Variants in APBB2 observed in about 807,000 individuals in gnomAD.
The protein encoded by APBB2 is Fe65-like 1.
In APBB2, 38 loss-of-function variants were observed where a neutral mutation model predicts 82.5. The observed-to-expected ratio is 0.46, with a 90% CI of 0.36 to 0.60. The LOEUF is 0.60. APBB2 is among the 20% of genes least tolerant of loss of function. The probability of loss-of-function intolerance (pLI) is 0.00; values close to 1 mark genes in which losing one functional copy is unlikely to be tolerated. For synonymous variants in APBB2, 341 were observed against 368.2 expected (o/e 0.93, Z 0.85); for missense variants, 772 against 972.3 (o/e 0.79, Z 2.74).
intron 12 of APBB2, among the ~76,000 whole-genome samples, chr4:40,853,422 C>T (rs1760127791): frequency 6.6e-6 from 1 of 152,012 alleles, no homozygotes; most frequent in Non-Finnish European, 1.5e-5. Context: ...CATCCTCAGG[C>T]ACGTTGAGTG....
At chr4:41,175,630 C>A (rs944333634) in intron 1 of APBB2, among the ~76,000 whole-genome samples, 3 of 152,004 alleles carry the variant, frequency 2.0e-5, no homozygotes, top group African/African-American at 7.3e-5. Context: ...AATATATAAA[C>A]ACATAGTAAA....
chr4:41,003,847 G>A (rs2154422208), intron 6 of APBB2, among the ~76,000 whole-genome samples: 2 of 152,292 alleles, frequency 1.3e-5, no homozygotes, highest in Middle Eastern at 6.8e-3. Context: ...TGAGTAGCTG[G>A]AATTACAGGC....
At chr4:41,202,201 T>C (rs11725534) in intron 1 of APBB2, among the ~76,000 whole-genome samples, 15,653 of 152,236 alleles carry the variant, frequency 0.1, 1,203 homozygotes, top group African/African-American at 0.22. Context: ...ATTCTGTACA[T>C]ATTAAACAGT....
At chr4:41,211,672 G>A (rs1007472941) in intron 1 of APBB2, among the ~76,000 whole-genome samples, 4 of 151,836 alleles carry the variant, frequency 2.6e-5, no homozygotes. Flanking sequence ...TTTAGAGACG[G>A]GGGTTTTACC....
rs201587606 is a variant in APBB2 at position 40,881,533 on chromosome 4, TC to T, written c.1529+8830del. The T allele has an allele frequency of 2.5e-4, 53 of 212,166 alleles. 3 individuals carry two copies. Among genetic ancestry groups the T allele is most frequent in the South Asian group, 1.1e-3 (5 of 4,478 alleles). 13.1% of individuals were successfully genotyped at this position (212,166 alleles called of 1,614,324 possible). ...TTCCTTTTATCTTTTCTTTTCTTTT[TC>T]TTTTTTTTTTTTTTTTTGATACAGA... On this transcript the variant is annotated intron_variant, in intron 12 of 17. Coordinates refer to ENST00000508593, the MANE Select transcript of APBB2 (RefSeq NM_004307.2).
At chr4:41,000,049 A>T (rs11931329) in intron 6 of APBB2, among the ~76,000 whole-genome samples, 4,848 of 113,844 alleles carry the variant, frequency 0.043, 149 homozygotes, top group African/African-American at 0.096. Flanking sequence ...GTGTGTATGT[A>T]TATGTATATA....
intron 12 of APBB2, among the ~76,000 whole-genome samples, chr4:40,837,847 AC>A: frequency 6.6e-6 from 1 of 152,118 alleles, no homozygotes; most frequent in Non-Finnish European, 1.5e-5. Context: ...GGAATCAAGT[AC>A]CTGTTGCCAC....
intron 4 of APBB2, among the ~76,000 whole-genome samples, chr4:41,051,139 G>A (rs1579578118): frequency 6.6e-6 from 1 of 152,122 alleles, no homozygotes; most frequent in East Asian, 1.9e-4. Context: ...AACAAAGGCG[G>A]GTCTCTAAAA....
chr4:41,028,459 T>C lies in APBB2; in HGVS notation c.19+4777A>G, dbSNP rs532727200. ...GCTCTGTTTTCTCTTTTTCTTGAAC[T>C]AGAAGATATAAGCCTAGAGCTTCAA... On this transcript the variant is annotated intron_variant, in intron 5 of 17. Coordinates refer to ENST00000508593, the MANE Select transcript of APBB2 (RefSeq NM_004307.2). Among the ~76,000 whole-genome samples the C allele has an allele frequency of 2.6e-5, 4 of 152,332 alleles. No individual in the cohort carries two copies. The East Asian group carries it at 5.8e-4, about 22-fold the overall frequency.
rs1320282086 is a variant in APBB2, at chr4:41,033,173, CT to C, written c.19+62del. ...TCATAAGTTTAACATTAAACATTAT[CT>C]TTTTTTAAGTTTTAATATTCAACTG... is the stretch of plus-strand genomic sequence containing the variant. On this transcript the variant is annotated intron_variant, in intron 5 of 17. Transcript: ENST00000508593. 43 of 1,043,768 alleles carry C rather than the reference CT, an allele frequency of 4.1e-5. No individual in the cohort carries two copies. The Admixed American group carries it at 7.8e-4, about 19-fold the overall frequency. 64.7% of individuals were successfully genotyped at this position (1,043,768 alleles called of 1,614,324 possible).
chr4:41,111,102 T>C (rs921384011), intron 2 of APBB2, among the ~76,000 whole-genome samples: 3 of 152,162 alleles, frequency 2.0e-5, no homozygotes, highest in Non-Finnish European at 2.9e-5. Flanking sequence ...CAAAAGGGCT[T>C]GTGCTCCTAT....
chr4:41,155,767 A>G (rs1763297991), intron 1 of APBB2, among the ~76,000 whole-genome samples: 1 of 152,238 alleles, frequency 6.6e-6, no homozygotes, highest in South Asian at 2.1e-4. Flanking sequence ...CAAAGCAAAA[A>G]AGGAGCTATT....
intron 12 of APBB2, among the ~76,000 whole-genome samples, chr4:40,834,117 T>TC (rs1753015755): frequency 6.6e-6 from 1 of 152,128 alleles, no homozygotes; most frequent in African/African-American, 2.4e-5. Context: ...TCTCACTTTT[T>TC]TTTTTTTACA....
At chr4:41,085,726 C>G (rs1324644211) in intron 3 of APBB2, among the ~76,000 whole-genome samples, 1 of 152,078 alleles carries the variant, frequency 6.6e-6, no homozygotes, top group African/African-American at 2.4e-5. Flanking sequence ...TTTTAAAGTG[C>G]TGACTATTTA....
chr4:40,993,505 T>A (rs1802756891), intron 6 of APBB2, among the ~76,000 whole-genome samples: 1 of 151,680 alleles, frequency 6.6e-6, no homozygotes, highest in Admixed American at 6.6e-5. Context: ...CCACCTCAGC[T>A]TCCTGAGTAG....
At chr4:40,856,517 G>A (rs895367313) in intron 12 of APBB2, among the ~76,000 whole-genome samples, 4 of 152,196 alleles carry the variant, frequency 2.6e-5, no homozygotes, top group African/African-American at 7.2e-5. Context: ...ATTTGGAAAT[G>A]CACAGTTTTT....
At chr4:41,122,943 C>T (rs762093088) in intron 2 of APBB2, among the ~76,000 whole-genome samples, 7 of 152,314 alleles carry the variant, frequency 4.6e-5, no homozygotes, top group South Asian at 2.1e-4. Flanking sequence ...TCTTCAAACA[C>T]GCCGCACTGG....
intron 5 of APBB2, among the ~76,000 whole-genome samples, chr4:41,020,703 T>A (rs1428317178): frequency 1.3e-5 from 2 of 152,176 alleles, no homozygotes; most frequent in East Asian, 3.9e-4. Context: ...AAGTTAACAG[T>A]GTAACATGTA....
chr4:41,039,873 T>C (rs1373401804), intron 4 of APBB2, among the ~76,000 whole-genome samples: 1 of 151,720 alleles, frequency 6.6e-6, no homozygotes, highest in Admixed American at 6.6e-5. Context: ...ATTATTGCTG[T>C]TGTTATTTTT....
Sources: gnomAD v4.1 joint callset for allele counts (sites outside exome capture counted in the v4.1 genomes callset) on GRCh38, gnomAD v4.1.1 for gene constraint, MANE v1.5 for transcripts, NCBI Gene and HGNC (gene_info 2026-07-23, HGNC 2026-07-21) for gene names.